Variants in ZBTB20 observed in about 807,000 individuals in gnomAD.
The protein encoded by ZBTB20 is zinc finger and BTB domain containing 20.
In ZBTB20, 9 loss-of-function variants were observed where a neutral mutation model predicts 56.9. The observed-to-expected ratio is 0.16, with a 90% CI of 0.10 to 0.28. The LOEUF is 0.28. ZBTB20 is among the 10% of genes least tolerant of loss of function. The pLI is 1.00. For synonymous variants in ZBTB20, 417 were observed against 420.7 expected (o/e 0.99, Z 0.11); for missense variants, 655 against 1,003.0 (o/e 0.65, Z 4.69).
chr3:114,991,831 T>C (rs1034917374), intron 2 of ZBTB20, among the ~76,000 whole-genome samples: 3 of 152,150 alleles, frequency 2.0e-5, no homozygotes, highest in African/African-American at 7.2e-5. Flanking sequence ...GCTCTTCTTT[T>C]TGAATTGATC....
At chr3:114,415,112 G>A (rs1364117986) in intron 7 of ZBTB20, among the ~76,000 whole-genome samples, 1 of 152,010 alleles carries the variant, frequency 6.6e-6, no homozygotes, top group Non-Finnish European at 1.5e-5. Context: ...ATATCATTAG[G>A]ACAAGGTCAA....
chr3:114,744,413 TA>T (rs908718373), intron 5 of ZBTB20, among the ~76,000 whole-genome samples: 1 of 152,194 alleles, frequency 6.6e-6, no homozygotes, highest in Non-Finnish European at 1.5e-5. Flanking sequence ...TTGGATACCA[TA>T]AAACACAAAC....
intron 5 of ZBTB20, among the ~76,000 whole-genome samples, chr3:114,783,066 C>T (rs544413176): frequency 5.9e-5 from 9 of 152,078 alleles, no homozygotes; most frequent in South Asian, 2.1e-4. Flanking sequence ...TATCAAATTC[C>T]GAACTGTGCT....
intron 2 of ZBTB20, among the ~76,000 whole-genome samples, chr3:115,063,475 A>G (rs566955490): frequency 2.0e-5 from 3 of 152,278 alleles, no homozygotes; most frequent in Admixed American, 6.5e-5. Context: ...CACTATTCCC[A>G]TCTTGAGGGC....
At position 114,835,996 on chromosome 3, in the gene ZBTB20, C is replaced by T. The variant is rs551813707; in HGVS notation, c.-416-34822G>A. ...AGAGTTTCTAGAAGAAGGGAAACAA[C>T]GATCCATTCAAATGCCCCACTGCAC... On this transcript the variant is annotated intron_variant, in intron 4 of 11. Transcript: ENST00000675478. Among the ~76,000 whole-genome samples, 9 of 152,234 alleles carry T rather than the reference C, an allele frequency of 5.9e-5. No individual in the cohort carries two copies. In the South Asian group the frequency reaches 1.5e-3, roughly 25 times the overall value.
At position 114,324,647 on chromosome 3, in the gene ZBTB20, A is replaced by C. The variant is rs2079005258; in HGVS notation, c.*14358T>G. On this transcript the variant is annotated 3_prime_UTR_variant, in exon 12 of 12. Transcript: ENST00000675478. ...GTACAATTATTAAATACAAAAGTGA[A>C]TTATTACAGCAAAATTAAGAGTCTG... The C allele has an allele frequency of 6.6e-6, 1 of 152,224 alleles. No homozygotes were observed. Among genetic ancestry groups the C allele is most frequent in the African/African-American group, 2.4e-5 (1 of 41,464 alleles). 9.4% of individuals were successfully genotyped at this position (152,224 alleles called of 1,614,324 possible). A position where few individuals can be genotyped will look rare whatever the true frequency, so the allele number is the denominator to read the frequency against.
intron 4 of ZBTB20, among the ~76,000 whole-genome samples, chr3:114,806,893 T>C (rs1346050621): frequency 1.3e-5 from 2 of 152,060 alleles, no homozygotes; most frequent in South Asian, 4.1e-4. Flanking sequence ...CCATGACAAA[T>C]TGCCTTGGCA....
At chr3:114,527,121 C>A (rs1038274744) in intron 6 of ZBTB20, 1 of 151,936 alleles carries the variant, frequency 6.6e-6, no homozygotes, top group South Asian at 2.1e-4. Flanking sequence ...GGTGGAGCAC[C>A]TCCATATTTA....
intron 7 of ZBTB20, among the ~76,000 whole-genome samples, chr3:114,392,303 G>C (rs898601396): frequency 1.3e-5 from 2 of 152,190 alleles, no homozygotes; most frequent in Non-Finnish European, 2.9e-5. Context: ...TAACACAAAA[G>C]ATAAATGCTT....
intron 3 of ZBTB20, chr3:114,900,758 GAT>G (rs1358342125): frequency 1.3e-5 from 2 of 151,986 alleles, no homozygotes; most frequent in Non-Finnish European, 2.9e-5. Flanking sequence ...ACTCAGTTTG[GAT>G]AGAATGTTGT....
chr3:115,033,000 G>T (rs1428915763), intron 2 of ZBTB20, among the ~76,000 whole-genome samples: 1 of 136,354 alleles, frequency 7.3e-6, no homozygotes, highest in African/African-American at 2.7e-5. Flanking sequence ...ACAGCTAGCA[G>T]AAGGAAAGAA....
At chr3:115,010,684 A>G (rs567344708) in intron 2 of ZBTB20, among the ~76,000 whole-genome samples, 1 of 152,122 alleles carries the variant, frequency 6.6e-6, no homozygotes, top group South Asian at 2.1e-4. Flanking sequence ...GCGGCTACAA[A>G]TAAACCCAGA....
chr3:114,960,726 A>C (rs2077417161), intron 3 of ZBTB20, among the ~76,000 whole-genome samples: 1 of 152,204 alleles, frequency 6.6e-6, no homozygotes, highest in Non-Finnish European at 1.5e-5. Flanking sequence ...AAAGATATTC[A>C]AAATTCTAGA....
In ZBTB20 at chr3:114,723,179, T is replaced by C. The variant is rs114442971; in HGVS notation, c.-342-29604A>G. On this transcript the variant is annotated intron_variant, in intron 5 of 11. Transcript: ENST00000675478. ...TTTACTTTTTTTTTTGATAAGGAAA[T>C]GCAAATAGATTCAAATATGCTGCCA... 1.9e-3 allele frequency among the ~76,000 whole-genome samples: 284 copies of C among 152,096 alleles called. 1 individual carries two copies. Among genetic ancestry groups the C allele is most frequent in the African/African-American group, 6.6e-3 (275 of 41,478 alleles).
At chr3:115,017,717 A>G (rs561532551) in intron 2 of ZBTB20, among the ~76,000 whole-genome samples, 2 of 151,614 alleles carry the variant, frequency 1.3e-5, no homozygotes, top group Admixed American at 6.6e-5. Flanking sequence ...TCATCACTAT[A>G]GTTTCTTTAT....
intron 2 of ZBTB20, among the ~76,000 whole-genome samples, chr3:115,063,407 C>T (rs2082082906): frequency 6.6e-6 from 1 of 152,162 alleles, no homozygotes; most frequent in Non-Finnish European, 1.5e-5. Flanking sequence ...AGTCTTCTCA[C>T]TGCGTCCTCA....
chr3:114,840,306 A>C (rs2074328799), intron 4 of ZBTB20, among the ~76,000 whole-genome samples: 1 of 152,248 alleles, frequency 6.6e-6, no homozygotes, highest in African/African-American at 2.4e-5. Flanking sequence ...ACAGACGTTA[A>C]AAACTGTTGT....
At chr3:114,404,980 G>A (rs1274694166) in intron 7 of ZBTB20, among the ~76,000 whole-genome samples, 2 of 152,096 alleles carry the variant, frequency 1.3e-5, no homozygotes, top group African/African-American at 2.4e-5. Context: ...TGGATAGCAA[G>A]TGAAAATTAG....
intron 6 of ZBTB20, among the ~76,000 whole-genome samples, chr3:114,650,512 A>G (rs2060074961): frequency 6.6e-6 from 1 of 151,954 alleles, no homozygotes; most frequent in Non-Finnish European, 1.5e-5. Flanking sequence ...CATGAAGATC[A>G]AGAAAACAAA....
Sources: gnomAD v4.1 joint callset for allele counts (sites outside exome capture counted in the v4.1 genomes callset) on GRCh38, gnomAD v4.1.1 for gene constraint, MANE v1.5 for transcripts, NCBI Gene and HGNC (gene_info 2026-07-23, HGNC 2026-07-21) for gene names.